Variants in OPA1 observed in about 807,000 individuals in gnomAD.
The protein encoded by OPA1 is OPA1 mitochondrial dynamin like GTPase.
In OPA1, 59 loss-of-function variants were observed where a neutral mutation model predicts 152.9. That is an observed-to-expected ratio of 0.39 (90% CI 0.31 to 0.48). The LOEUF (loss-of-function observed/expected upper bound fraction) is 0.48. OPA1 is among the 20% of genes least tolerant of loss of function. The pLI, the probability that OPA1 is intolerant of heterozygous loss-of-function variation, is 0.96. For missense variants in OPA1, 1,008 were observed against 1,216.8 expected (o/e 0.83, Z 2.55); for synonymous variants, 400 against 389.9 (o/e 1.03, Z -0.31).
At chr3:193,642,365 A>C (rs1238527570) in intron 11 of OPA1, among the ~76,000 whole-genome samples, 1 of 152,194 alleles carries the variant, frequency 6.6e-6, no homozygotes. Flanking sequence ...AGGTTGAATG[A>C]ATGAATTGTC....
chr3:193,609,597 T>G (rs1361392428), intron 1 of OPA1, among the ~76,000 whole-genome samples: 1 of 152,242 alleles, frequency 6.6e-6, no homozygotes, highest in Non-Finnish European at 1.5e-5. Flanking sequence ...CTTGCTAGAT[T>G]GGGGAAGTTC....
Position 193,654,881 on chromosome 3 carries a change from T to G in OPA1, c.2032T>G (p.Ser678Ala). The change falls in exon 22 of 31, where the codon TCT becomes GCT. Residue 678 changes from serine to alanine, a missense_variant. Physicochemically the swap from Ser to Ala is moderately conservative, Grantham distance 99. Around this residue, in one of 7 missense-constraint regions of OPA1, gnomAD observed 229 missense variants for 269.0 expected, o/e 0.85. Coordinates refer to ENST00000361510, the MANE Select transcript of OPA1 (RefSeq NM_130837.3). ...TTTCAGGGAGGAAATCCTTCAACAA[T>G]CTTTGTGGGAAAGAGTATCAACTCA... is the stretch of plus-strand genomic sequence containing the variant. ...PKHWEEILQQSLWERVSTHVI... is the reference protein window; with the variant it reads ...PKHWEEILQQALWERVSTHVI... 2 of 1,613,908 alleles carry G rather than the reference T, an allele frequency of 1.2e-6. No homozygotes were observed. The highest frequency in any genetic ancestry group is 1.7e-6 in the Non-Finnish European group (2 of 1,179,916).
At chr3:193,627,137 A>G (rs1577197984) in intron 7 of OPA1, 1 of 152,326 alleles carries the variant, frequency 6.6e-6, no homozygotes, top group Admixed American at 6.5e-5. Flanking sequence ...TACTATTTAA[A>G]TCAACCAATA....
At chr3:193,657,272 TA>T (rs1209951706) in intron 23 of OPA1, 40 bp downstream of exon 23, 16 of 1,594,346 alleles carry the variant, frequency 1.0e-5, no homozygotes, top group Non-Finnish European at 1.4e-5. Flanking sequence ...CTCATATTTT[TA>T]TATAACTTCT....
Position 193,626,150 on chromosome 3 carries a change from C to T in OPA1, c.737C>T (p.Ala246Val), listed in dbSNP as rs147094219. The T allele has an allele frequency of 1.0e-4, 169 of 1,613,908 alleles. No homozygotes were observed. The highest frequency in any genetic ancestry group is 2.0e-4 in the East Asian group (9 of 44,882). The part of the protein sequence containing the change: ...QQQIQEHEEE[A>V]RRAAGQYSTS... ...CAAATTCAAGAGCATGAAGAGGAAGCGCGCAGAGCCGCTGGCCAATATAGC... is the reference window on the plus strand; with the variant it reads ...CAAATTCAAGAGCATGAAGAGGAAGTGCGCAGAGCCGCTGGCCAATATAGC... The change falls in exon 7 of 31, where the codon GCG becomes GTG. Residue 246 changes from alanine (A) to valine (V), a missense_variant. Coordinates refer to ENST00000361510, the MANE Select transcript of OPA1 (RefSeq NM_130837.3).
chr3:193,645,925 C>T, intron 18 of OPA1, 125 bp downstream of exon 18: 1 of 808,822 alleles, frequency 1.2e-6, no homozygotes, highest in East Asian at 2.7e-5. Flanking sequence ...GAATTTTTCC[C>T]AAATAGTGAA....
chr3:193,599,139 G>A (rs1044772826), intron 1 of OPA1, among the ~76,000 whole-genome samples: 1 of 151,884 alleles, frequency 6.6e-6, no homozygotes, highest in Non-Finnish European at 1.5e-5. Flanking sequence ...TCACCTTTTT[G>A]TTCCCCTTCT....
chr3:193,643,849 A>G (rs1734141254), intron 15 of OPA1, 126 bp from the exon 16 acceptor site: 2 of 1,081,764 alleles, frequency 1.8e-6, no homozygotes, highest in South Asian at 1.5e-5. Flanking sequence ...TCTTTTTAGT[A>G]AATAACGTAA....
intron 29 of OPA1, among the ~76,000 whole-genome samples, chr3:193,672,733 G>A (rs7638210): frequency 0.18 from 27,880 of 151,938 alleles, 3,118 homozygotes; most frequent in Non-Finnish European, 0.25. Flanking sequence ...GCTGGGCATG[G>A]TGGCAGGCGC....
Position 193,614,075 on chromosome 3 carries a change from A to G in OPA1, c.33-648A>G, listed in dbSNP as rs1050776208. The stretch of plus-strand genomic sequence containing the variant: ...AGGAAGAAGAAGAGGGTGGAGCTCT[A>G]CAGTCAATGTGTACATTTAAATTCT... On this transcript the variant is annotated intron_variant, in intron 1 of 30. Coordinates refer to ENST00000361510, the MANE Select transcript of OPA1 (RefSeq NM_130837.3). 12 of 475,584 alleles carry G rather than the reference A, an allele frequency of 2.5e-5. No homozygotes were observed. In the East Asian group the frequency reaches 4.0e-4, roughly 16 times the overall value. 29.5% of individuals were successfully genotyped at this position (475,584 alleles called of 1,614,324 possible). A position where few individuals can be genotyped will look rare whatever the true frequency, so the allele number is the denominator to read the frequency against.
intron 5 of OPA1, among the ~76,000 whole-genome samples, chr3:193,618,380 A>C (rs1729410048): frequency 6.6e-6 from 1 of 152,034 alleles, no homozygotes; most frequent in African/African-American, 2.4e-5. Flanking sequence ...CGGGAGGCTG[A>C]GGCAGGAGAA....
At chr3:193,618,522 G>T in intron 5 of OPA1, 2 of 221,206 alleles carry the variant, frequency 9.0e-6, no homozygotes, top group Non-Finnish European at 8.9e-6. Flanking sequence ...TTGTTTTCCT[G>T]CTATACATGG....
At chr3:193,676,968 A>G (rs369022111) in intron 29 of OPA1, among the ~76,000 whole-genome samples, 9,603 of 135,848 alleles carry the variant, frequency 0.071, 384 homozygotes, top group Non-Finnish European at 0.087. Flanking sequence ...GTGACAGAGC[A>G]AGACTCGTCT....
intron 6 of OPA1, among the ~76,000 whole-genome samples, chr3:193,621,016 T>C (rs999295923): frequency 3.3e-4 from 50 of 152,362 alleles, no homozygotes; most frequent in Admixed American, 2.2e-3. Flanking sequence ...AGCTGAATAC[T>C]TTTTTAACTG....
At chr3:193,641,441 G>A (rs1027920666) in intron 11 of OPA1, among the ~76,000 whole-genome samples, 6 of 91,478 alleles carry the variant, frequency 6.6e-5, no homozygotes, top group African/African-American at 9.0e-5. Flanking sequence ...AAAGGAAATT[G>A]TGCGCAGGAT....
rs189876746 is a variant in OPA1, at chr3:193,663,039, A to C, written c.2661+77A>C. ...TGCAGTAAATGTTACTACATGTGTT[A>C]GTTAGATATTTAAGTGCTTAATTTG... is the stretch of plus-strand genomic sequence containing the variant. On this transcript the variant is annotated intron_variant, in intron 26 of 30. Coordinates refer to ENST00000361510, the MANE Select transcript of OPA1 (RefSeq NM_130837.3). 2.8e-6 allele frequency: 4 copies of C among 1,449,916 alleles called. No homozygotes were observed. In the African/African-American group the frequency reaches 5.6e-5, roughly 20 times the overall value. 89.8% of individuals were successfully genotyped at this position (1,449,916 alleles called of 1,614,324 possible).
chr3:193,658,039 A>G (rs1017281451), intron 23 of OPA1, among the ~76,000 whole-genome samples: 4 of 152,260 alleles, frequency 2.6e-5, no homozygotes, highest in East Asian at 1.9e-4. Flanking sequence ...TGAGGTCCGG[A>G]GTTTGAGACC....
At chr3:193,654,724 C>G in intron 21 of OPA1, 138 bp from the exon 22 acceptor site, 2 of 795,664 alleles carry the variant, frequency 2.5e-6, no homozygotes. Context: ...GTGCGATTTA[C>G]AGGTATATAC....
intron 23 of OPA1, among the ~76,000 whole-genome samples, chr3:193,658,120 C>T (rs970200967): frequency 2.0e-5 from 3 of 151,900 alleles, no homozygotes; most frequent in Non-Finnish European, 2.9e-5. Context: ...TGGTGCATGC[C>T]TGTAATCCCA....
Sources: gnomAD v4.1 joint callset for allele counts (sites outside exome capture counted in the v4.1 genomes callset) on GRCh38, gnomAD v4.1.1 for gene constraint, gnomAD v4.1.1 regional missense constraint, MANE v1.5 for transcripts, NCBI Gene and HGNC (gene_info 2026-07-23, HGNC 2026-07-21) for gene names.